The following RECK variants were observed in gnomAD, a reference collection of about 807,000 sequenced individuals.
RECK encodes the protein reversion-inducing cysteine-rich protein with Kazal motifs.
RECK carries 69 observed loss-of-function variants against 115.1 expected under a neutral mutation model. The observed-to-expected ratio is 0.60, with a 90% CI of 0.49 to 0.73. The LOEUF (loss-of-function observed/expected upper bound fraction) is 0.73, where lower values mean the gene tolerates loss of function less well. Ranked by LOEUF, RECK falls within the 30% of genes least tolerant of loss-of-function variation. The probability of loss-of-function intolerance (pLI) is 0.00; values close to 1 mark genes in which losing one functional copy is unlikely to be tolerated. For missense variants in RECK, 1,047 were observed against 1,203.7 expected (o/e 0.87, Z 1.93); for synonymous variants, 414 against 419.7 (o/e 0.99, Z 0.17).
intron 1 of RECK, among the ~76,000 whole-genome samples, chr9:36,048,612 G>A (rs933197770): frequency 2.6e-5 from 4 of 152,066 alleles, no homozygotes; most frequent in African/African-American, 9.7e-5. Flanking sequence ...CAATTTCCCT[G>A]TTAATTTATC....
At chr9:36,038,034 G>C (rs1347701411) in intron 1 of RECK, among the ~76,000 whole-genome samples, 1 of 147,782 alleles carries the variant, frequency 6.8e-6, no homozygotes, top group Non-Finnish European at 1.5e-5. Flanking sequence ...AAAGTCAGCC[G>C]GGTGCGGTAG....
At chr9:36,061,282 G>A (rs987708476) in intron 4 of RECK, among the ~76,000 whole-genome samples, 43 of 151,104 alleles carry the variant, frequency 2.8e-4, no homozygotes, top group Admixed American at 2.4e-3. Flanking sequence ...AGAGGCTATC[G>A]CACTGTTTAA....
Position 36,100,404 on chromosome 9 carries a change from A to T in RECK, c.1159A>T (p.Lys387Ter). ...GAMNDMKLWE[K>*]GSIKMPFINI... ...CATGAATGACATGAAGTTGTGGGAG[A>T]AAGGAAGCATAAAGATGCCATTTAT... Residue 387 changes from lysine to a stop codon, truncating the protein, a stop_gained, in exon 11 of 21, where the codon AAA (lysine) becomes TAA (stop). Coordinates refer to ENST00000377966, the MANE Select transcript of RECK (RefSeq NM_021111.3). LOFTEE classifies it high-confidence loss of function. 2.5e-6 allele frequency: 4 copies of T among 1,614,180 alleles called. No individual in the cohort carries two copies. The highest frequency in any genetic ancestry group is 3.4e-6 in the Non-Finnish European group (4 of 1,180,016).
intron 12 of RECK, among the ~76,000 whole-genome samples, chr9:36,103,281 A>C (rs112586823): frequency 6.9e-4 from 105 of 152,396 alleles, no homozygotes; most frequent in African/African-American, 2.5e-3. Flanking sequence ...AGGATTAACA[A>C]AAAACAGAAC....
chr9:36,090,473 CAAT>C (rs1823117330), intron 9 of RECK, among the ~76,000 whole-genome samples: 1 of 151,904 alleles, frequency 6.6e-6, no homozygotes, highest in East Asian at 1.9e-4. Flanking sequence ...TTGTATATTT[CAAT>C]AATATGAAAA....
At chr9:36,075,202 A>G (rs568115484) in intron 6 of RECK, among the ~76,000 whole-genome samples, 1 of 152,376 alleles carries the variant, frequency 6.6e-6, no homozygotes, top group East Asian at 1.9e-4. Flanking sequence ...GTTACTGTAC[A>G]ATAAATAGAT....
chr9:36,117,095 G>T lies in RECK; in HGVS notation c.2171G>T (p.Cys724Phe). 6 of 1,614,178 alleles carry T rather than the reference G, an allele frequency of 3.7e-6. No individual in the cohort carries two copies. The highest frequency in any genetic ancestry group is 5.1e-6 in the Non-Finnish European group (6 of 1,180,014). ...TGTGACCAGGTCCAAGATCCTGTTT[G>T]TGACACAGACCACATGGAGCACAAC... ...LACDQVQDPV[C>F]DTDHMEHNNL... Residue 724 changes from cysteine (C) to phenylalanine (F), a missense_variant, in exon 17 of 21, where the codon TGT (cysteine) becomes TTT (phenylalanine). Physicochemically the swap from Cys to Phe is radical, Grantham distance 205 (BLOSUM62 -2). Coordinates refer to ENST00000377966, the MANE Select transcript of RECK (RefSeq NM_021111.3).
intron 19 of RECK, 47 bp downstream of exon 19, chr9:36,120,783 C>A: frequency 8.2e-7 from 1 of 1,221,304 alleles, no homozygotes; most frequent in Non-Finnish European, 1.2e-6. Context: ...ATTGCTAAGC[C>A]TCTCAGTAAT....
chr9:36,092,776 A>G (rs972540342), intron 10 of RECK, among the ~76,000 whole-genome samples: 1 of 151,814 alleles, frequency 6.6e-6, no homozygotes, highest in Non-Finnish European at 1.5e-5. Context: ...GTTTCTTTTC[A>G]TGGGGAGTAG....
chr9:36,069,365 C>A (rs558521720), intron 6 of RECK, among the ~76,000 whole-genome samples: 1 of 151,308 alleles, frequency 6.6e-6, no homozygotes, highest in South Asian at 2.1e-4. Context: ...CATGATGAAA[C>A]CCTGTCTCTA....
chr9:36,070,719 C>T (rs1435102197), intron 6 of RECK, among the ~76,000 whole-genome samples: 1 of 152,180 alleles, frequency 6.6e-6, no homozygotes, highest in African/African-American at 2.4e-5. Context: ...GATGATCTCT[C>T]TTCCAACTCT....
At chr9:36,056,231 GA>G (rs1328334425) in intron 2 of RECK, among the ~76,000 whole-genome samples, 1 of 138,876 alleles carries the variant, frequency 7.2e-6, no homozygotes, top group Non-Finnish European at 1.7e-5. Flanking sequence ...AGCTACAAAT[GA>G]TATGTCATTT....
In RECK at chr9:36,058,816, TTGTCAAATAGA is replaced by T. The variant is rs1261872923; in HGVS notation, c.160-9_161del. 2 of 1,584,310 alleles carry T rather than the reference TTGTCAAATAGA, an allele frequency of 1.3e-6. No individual in the cohort carries two copies. The highest frequency in any genetic ancestry group is 1.2e-5 in the South Asian group (1 of 86,392). The stretch of plus-strand genomic sequence containing the variant: ...AAATGCCACAAAAACTTTTTTTTTT[TTGTCAAATAGA>T]TTTTCTCCTCAAAAAGTGAATCCCG... On this transcript the variant is annotated splice_acceptor_variant and splice_polypyrimidine_tract_variant and coding_sequence_variant and intron_variant, in exon 3 of 21. Coordinates refer to ENST00000377966, the MANE Select transcript of RECK (RefSeq NM_021111.3). LOFTEE classifies it high-confidence loss of function.
chr9:36,073,987 G>A (rs1034921708), intron 6 of RECK, among the ~76,000 whole-genome samples: 3 of 152,060 alleles, frequency 2.0e-5, no homozygotes, highest in Non-Finnish European at 2.9e-5. Context: ...TATTTGCAGC[G>A]TGAACATCAG....
intron 1 of RECK, among the ~76,000 whole-genome samples, chr9:36,044,650 A>G (rs1264008716): frequency 6.6e-6 from 1 of 152,194 alleles, no homozygotes; most frequent in African/African-American, 2.4e-5. Context: ...TCCTACTCTC[A>G]CTAGAATAGT....
In RECK at chr9:36,122,852, A is replaced by C. The variant is rs768926178; in HGVS notation, c.2723A>C (p.Lys908Thr). 3.7e-6 allele frequency: 6 copies of C among 1,614,028 alleles called. No individual in the cohort carries two copies. The Admixed American group carries it at 1.0e-4, about 27-fold the overall frequency. ...GAAGCCTGCAATAAAGAAGCAGAGAAGATTGAGTCCCTTATCAACTCTGAC... is the reference window on the plus strand; with the variant it reads ...GAAGCCTGCAATAAAGAAGCAGAGACGATTGAGTCCCTTATCAACTCTGAC... ...QIEACNKEAE[K>T]IESLINSDSP... Residue 908 changes from lysine (K) to threonine (T), a missense_variant, in exon 21 of 21, where the codon AAG becomes ACG. Lys to Thr is a moderately conservative substitution (Grantham distance 78, BLOSUM62 -1). Transcript: ENST00000377966.
intron 13 of RECK, among the ~76,000 whole-genome samples, chr9:36,107,251 G>T (rs1350651508): frequency 6.6e-6 from 1 of 151,874 alleles, no homozygotes. Context: ...TGAATTTAAG[G>T]TATACTTGTT....
At chr9:36,058,293 A>G (rs1274942753) in intron 2 of RECK, among the ~76,000 whole-genome samples, 1 of 150,644 alleles carries the variant, frequency 6.6e-6, no homozygotes, top group East Asian at 1.9e-4. Flanking sequence ...AAAATGTGGC[A>G]CATATACACC....
At chr9:36,083,830 G>T (rs1000008795) in intron 8 of RECK, among the ~76,000 whole-genome samples, 3 of 152,090 alleles carry the variant, frequency 2.0e-5, no homozygotes, top group Non-Finnish European at 4.4e-5. Context: ...GGGAAGTTGG[G>T]TAATGACCAT....
Sources: allele counts gnomAD v4.1 joint callset (sites outside exome capture counted in the v4.1 genomes callset), GRCh38; gene constraint gnomAD v4.1.1; transcripts MANE v1.5; gene names NCBI Gene and HGNC (gene_info 2026-07-23, HGNC 2026-07-21).